SLC13A1: variants seen among roughly 807,000 people sequenced by gnomAD.
The protein encoded by SLC13A1 is solute carrier family 13 member 1.
Under a neutral mutation model 70.0 loss-of-function variants are expected in SLC13A1, and 65 were observed. The observed-to-expected ratio is 0.93, with a 90% CI of 0.76 to 1.14. The LOEUF (loss-of-function observed/expected upper bound fraction) is 1.14. Ranked by LOEUF, SLC13A1 falls within the 50% of genes most tolerant of loss-of-function variation. The pLI is 0.00. For missense variants in SLC13A1, 726 were observed against 717.8 expected (o/e 1.01, Z -0.13); for synonymous variants, 275 against 250.5 (o/e 1.10, Z -0.92).
chr7:123,127,773 T>G (rs1793607974), intron 10 of SLC13A1, among the ~76,000 whole-genome samples: 1 of 151,722 alleles, frequency 6.6e-6, no homozygotes, highest in Admixed American at 6.6e-5. Context: ...AGGGAAGAAT[T>G]TCTTTATTGT....
rs17145528 is a variant in SLC13A1 at position 123,197,010 on chromosome 7, C to T, written c.99+2838G>A. Among the ~76,000 whole-genome samples the T allele has an allele frequency of 5.5e-3, 841 of 152,184 alleles. 1 individual carries two copies. Among genetic ancestry groups the T allele is most frequent in the African/African-American group, 7.6e-3 (317 of 41,548 alleles). ...AGAAGCACATTTGTACTTGTTTATT[C>T]GTTTGTGATGGAGGTTAAATAAGAT... On this transcript the variant is annotated intron_variant, in intron 1 of 14. Transcript: ENST00000194130.
chr7:123,155,996 T>G (rs1794699261), intron 6 of SLC13A1, among the ~76,000 whole-genome samples: 1 of 152,156 alleles, frequency 6.6e-6, no homozygotes, highest in Non-Finnish European at 1.5e-5. Flanking sequence ...GATTAGAAGC[T>G]GTTGCATCCA....
chr7:123,170,054 A>G (rs1264145703), intron 3 of SLC13A1, among the ~76,000 whole-genome samples: 1 of 152,196 alleles, frequency 6.6e-6, no homozygotes, highest in African/African-American at 2.4e-5. Flanking sequence ...TAATATACCT[A>G]AGACTACAAA....
chr7:123,139,781 G>A (rs536004030), intron 7 of SLC13A1, among the ~76,000 whole-genome samples: 1 of 152,062 alleles, frequency 6.6e-6, no homozygotes, highest in South Asian at 2.1e-4. Context: ...CAACTTTACT[G>A]AATTTGTTTA....
intron 7 of SLC13A1, 64 bp downstream of exon 7, chr7:123,147,095 G>T: frequency 6.6e-7 from 1 of 1,514,514 alleles, no homozygotes; most frequent in Non-Finnish European, 9.0e-7. Context: ...AATCAGGTAA[G>T]AATAATTTTT....
At chr7:123,158,510 A>G (rs1404835405) in intron 6 of SLC13A1, among the ~76,000 whole-genome samples, 5 of 152,122 alleles carry the variant, frequency 3.3e-5, no homozygotes, top group East Asian at 1.9e-4. Context: ...TCAGAGGGAG[A>G]GAATACAGAG....
chr7:123,120,114 T>C (rs531809599), intron 12 of SLC13A1, among the ~76,000 whole-genome samples: 13 of 152,070 alleles, frequency 8.5e-5, no homozygotes, highest in Non-Finnish European at 1.5e-4. Context: ...CTGCTCCATT[T>C]GGCTTAGTTT....
intron 12 of SLC13A1, among the ~76,000 whole-genome samples, chr7:123,120,088 G>T (rs1442679753): frequency 6.6e-6 from 1 of 151,910 alleles, no homozygotes; most frequent in East Asian, 1.9e-4. Context: ...TATCTATTCT[G>T]GAATATTTCC....
chr7:123,147,318 A>C lies in SLC13A1; in HGVS notation c.661-8T>G. On this transcript the variant is annotated splice_polypyrimidine_tract_variant and splice_region_variant and intron_variant, in intron 6 of 14. Coordinates refer to ENST00000194130, the MANE Select transcript of SLC13A1 (RefSeq NM_022444.4). ...GGTTCTCATGCCTGAGTTCTGTTCA[A>C]CAACAACAAAAAACTACCATGAGAA... is the stretch of plus-strand genomic sequence containing the variant. The C allele has an allele frequency of 6.2e-7, 1 of 1,612,486 alleles. No homozygotes were observed. The highest frequency in any genetic ancestry group is 2.2e-5 in the East Asian group (1 of 44,756).
chr7:123,190,945 C>G (rs1384545589), intron 1 of SLC13A1, among the ~76,000 whole-genome samples: 1 of 150,808 alleles, frequency 6.6e-6, no homozygotes, highest in African/African-American at 2.4e-5. Flanking sequence ...TGTTTTTTTC[C>G]TTTCCTAACT....
At chr7:123,173,633 A>G (rs996729880) in intron 2 of SLC13A1, among the ~76,000 whole-genome samples, 3 of 152,124 alleles carry the variant, frequency 2.0e-5, no homozygotes, top group African/African-American at 4.8e-5. Context: ...CATTACGTAA[A>G]TACTGTTTGT....
intron 14 of SLC13A1, among the ~76,000 whole-genome samples, chr7:123,116,430 G>T (rs1793183732): frequency 6.6e-6 from 1 of 152,082 alleles, no homozygotes; most frequent in Non-Finnish European, 1.5e-5. Context: ...GGCCCCACAG[G>T]GCCTCAAATA....
At chr7:123,140,712 A>G (rs1794106680) in intron 7 of SLC13A1, among the ~76,000 whole-genome samples, 1 of 152,100 alleles carries the variant, frequency 6.6e-6, no homozygotes, top group African/African-American at 2.4e-5. Flanking sequence ...TTATTGGCAT[A>G]TAGCTGCTCA....
chr7:123,129,896 G>A (rs893846244), intron 8 of SLC13A1, among the ~76,000 whole-genome samples: 1 of 152,158 alleles, frequency 6.6e-6, no homozygotes, highest in Non-Finnish European at 1.5e-5. Flanking sequence ...TTCCACGCAT[G>A]TAAGTTTTAG....
At chr7:123,178,033 C>CTCTCTCTCTCTCTATATATATATA (rs761704605) in intron 2 of SLC13A1, among the ~76,000 whole-genome samples, 19 of 150,038 alleles carry the variant, frequency 1.3e-4, no homozygotes, top group African/African-American at 4.7e-4. Flanking sequence ...CTCTCTCTCT[C>CTCTCTCTCTCTCTATATATATATA]TATATATATA....
chr7:123,142,448 T>G (rs1181001725), intron 7 of SLC13A1, among the ~76,000 whole-genome samples: 1 of 152,144 alleles, frequency 6.6e-6, no homozygotes, highest in East Asian at 1.9e-4. Flanking sequence ...GTGGCCAAGC[T>G]GGCACCTAAA....
chr7:123,190,633 GCTGT>G, intron 1 of SLC13A1: 1 of 456,672 alleles, frequency 2.2e-6, no homozygotes, highest in Non-Finnish European at 4.4e-6. Flanking sequence ...ATTAGAATAA[GCTGT>G]CTAAGACTCA....
chr7:123,183,864 T>C (rs142629540), intron 1 of SLC13A1, among the ~76,000 whole-genome samples: 40 of 152,284 alleles, frequency 2.6e-4, no homozygotes, highest in African/African-American at 9.1e-4. Flanking sequence ...TCATAACCCA[T>C]TTGTAAAACT....
rs1585273014 is a variant in SLC13A1, at chr7:123,113,935, G to GT, written c.*1582dup. Reference sequence around the variant, plus strand: ...ATTTGAATAAAAAATGACAAGGTCAGTAACAGCTGGAAAGTGCCAACGAAG... The same window carrying GT: ...ATTTGAATAAAAAATGACAAGGTCAGTTAACAGCTGGAAAGTGCCAACGAAG... On this transcript the variant is annotated 3_prime_UTR_variant, in exon 15 of 15. Transcript: ENST00000194130. 2.0e-5 allele frequency: 3 copies of GT among 152,078 alleles called. No individual in the cohort carries two copies. The East Asian group carries it at 5.8e-4, about 29-fold the overall frequency. 9.4% of individuals were successfully genotyped at this position (152,078 alleles called of 1,614,324 possible).
Sources: gnomAD v4.1 joint callset for allele counts (sites outside exome capture counted in the v4.1 genomes callset) on GRCh38, gnomAD v4.1.1 for gene constraint, MANE v1.5 for transcripts, NCBI Gene and HGNC (gene_info 2026-07-23, HGNC 2026-07-21) for gene names.